The following PDCD1LG2 variants were observed in gnomAD, a reference collection of about 807,000 sequenced individuals.
The protein encoded by PDCD1LG2 is B7 dendritic cell molecule.
Under a neutral mutation model 28.2 loss-of-function variants are expected in PDCD1LG2, and 32 were observed. The observed-to-expected ratio is 1.13, with a 90% CI of 0.86 to 1.52. The LOEUF (loss-of-function observed/expected upper bound fraction) is 1.52. PDCD1LG2 is among the 40% of genes most tolerant of loss of function. The pLI is 0.00. For synonymous variants in PDCD1LG2, 116 were observed against 120.2 expected (o/e 0.97, Z 0.23); for missense variants, 385 against 323.8 (o/e 1.19, Z -1.45).
chr9:5,570,083 C>T lies in PDCD1LG2; in HGVS notation c.*124C>T. On this transcript the variant is annotated 3_prime_UTR_variant, in exon 7 of 7. Transcript: ENST00000397747. ...ACTTTTCAAATGCCTTTGGATGACC[C>T]AGCACTTTAATCTGAAACCTGCAAC... 8.1e-7 allele frequency: 1 copy of T among 1,239,838 alleles called. No homozygotes were observed. Among genetic ancestry groups the T allele is most frequent in the Non-Finnish European group, 1.2e-6 (1 of 850,310 alleles). The allele number at this position is 1,239,838 out of a possible 1,614,324, so 76.8% of individuals were successfully genotyped here.
intron 4 of PDCD1LG2, among the ~76,000 whole-genome samples, chr9:5,550,662 C>CATGA (rs1177066360): frequency 6.6e-6 from 1 of 151,658 alleles, no homozygotes; most frequent in African/African-American, 2.4e-5. Context: ...CCCTATCATT[C>CATGA]AGCCTTCTGC....
chr9:5,544,199 T>A (rs1202673900), intron 3 of PDCD1LG2, among the ~76,000 whole-genome samples: 1 of 152,124 alleles, frequency 6.6e-6, no homozygotes, highest in East Asian at 1.9e-4. Context: ...CTGAAACTAG[T>A]AATTCTTTTA....
intron 3 of PDCD1LG2, among the ~76,000 whole-genome samples, chr9:5,538,019 C>T (rs1586805288): frequency 6.6e-6 from 1 of 151,838 alleles, no homozygotes; most frequent in Non-Finnish European, 1.5e-5. Flanking sequence ...ATCTGTCAAA[C>T]AAAAATATGT....
At position 5,541,984 on chromosome 9, in the gene PDCD1LG2, C is replaced by G. The variant is rs542010026; in HGVS notation, c.361+6934C>G. Among the ~76,000 whole-genome samples the G allele has an allele frequency of 1.1e-4, 16 of 152,216 alleles. No individual in the cohort carries two copies. The East Asian group carries it at 3.1e-3, about 29-fold the overall frequency. On this transcript the variant is annotated intron_variant, in intron 3 of 6. Coordinates refer to ENST00000397747, the MANE Select transcript of PDCD1LG2 (RefSeq NM_025239.4). ...AGCATAATACTAGTATAAAAATAGGCACATAGACCAATGGAACAAAACGGA... is the reference window on the plus strand; with the variant it reads ...AGCATAATACTAGTATAAAAATAGGGACATAGACCAATGGAACAAAACGGA...
chr9:5,522,646 G>A (rs752145397), intron 2 of PDCD1LG2, 45 bp downstream of exon 2: 28 of 1,592,130 alleles, frequency 1.8e-5, no homozygotes, highest in Non-Finnish European at 2.4e-5. Flanking sequence ...AGAGCAGGTG[G>A]TGGTTCCTAG....
intron 3 of PDCD1LG2, among the ~76,000 whole-genome samples, chr9:5,544,572 A>G (rs531102643): frequency 3.5e-4 from 54 of 152,350 alleles, no homozygotes; most frequent in African/African-American, 1.2e-3. Flanking sequence ...AGAGCAGAGA[A>G]GAAAAAGTGA....
intron 2 of PDCD1LG2, among the ~76,000 whole-genome samples, chr9:5,522,997 G>A (rs538570298): frequency 4.5e-4 from 68 of 152,252 alleles, no homozygotes; most frequent in Non-Finnish European, 7.2e-4. Flanking sequence ...AGGGAACACC[G>A]TTACTCTAAA....
At chr9:5,559,801 T>C (rs1184450780) in intron 5 of PDCD1LG2, among the ~76,000 whole-genome samples, 1 of 152,222 alleles carries the variant, frequency 6.6e-6, no homozygotes. Context: ...TATTGCTCAC[T>C]GGATGAAGTT....
At chr9:5,528,125 C>G (rs1820413623) in intron 2 of PDCD1LG2, among the ~76,000 whole-genome samples, 1 of 150,834 alleles carries the variant, frequency 6.6e-6, no homozygotes, top group African/African-American at 2.4e-5. Flanking sequence ...CCACCACGCC[C>G]TGCTCTTTTC....
chr9:5,553,191 A>C lies in PDCD1LG2; in HGVS notation c.631+3587A>C, dbSNP rs80019115. Among the ~76,000 whole-genome samples the C allele has an allele frequency of 2.7e-3, 407 of 152,332 alleles. 2 individuals are homozygous for C. The highest frequency in any genetic ancestry group is 9.2e-3 in the African/African-American group (383 of 41,584). On this transcript the variant is annotated intron_variant, in intron 4 of 6. Transcript: ENST00000397747. Reference sequence around the variant, plus strand: ...AAGAAACTAGAAATCCATCAATTTTAGGACCAACTTCAGGTAAAAAAATGA... The same window carrying C: ...AAGAAACTAGAAATCCATCAATTTTCGGACCAACTTCAGGTAAAAAAATGA...
chr9:5,517,196 T>C (rs575791333), intron 1 of PDCD1LG2, among the ~76,000 whole-genome samples: 1 of 152,208 alleles, frequency 6.6e-6, no homozygotes, highest in Non-Finnish European at 1.5e-5. Context: ...GGGGTAGGGT[T>C]GGAGTGCTCT....
intron 2 of PDCD1LG2, among the ~76,000 whole-genome samples, chr9:5,528,695 G>A (rs773346404): frequency 4.6e-5 from 7 of 152,090 alleles, no homozygotes; most frequent in African/African-American, 1.4e-4. Flanking sequence ...GGAATTAAAC[G>A]ATTGTTTAAT....
intron 4 of PDCD1LG2, among the ~76,000 whole-genome samples, chr9:5,556,608 T>A (rs1189720764): frequency 6.6e-6 from 1 of 152,204 alleles, no homozygotes; most frequent in Non-Finnish European, 1.5e-5. Context: ...AATCCGTGGT[T>A]CTCAGATAGC....
rs2129976097 is a variant in PDCD1LG2 at position 5,570,011 on chromosome 9, C to T, written c.*52C>T. Reference sequence around the variant, plus strand: ...CCTGATATGACATCTAAAGAAGCTTCTGGACTCTGAACAAGAATTCGGTGG... The same window carrying T: ...CCTGATATGACATCTAAAGAAGCTTTTGGACTCTGAACAAGAATTCGGTGG... On this transcript the variant is annotated 3_prime_UTR_variant, in exon 7 of 7. Coordinates refer to ENST00000397747, the MANE Select transcript of PDCD1LG2 (RefSeq NM_025239.4). 6.2e-7 allele frequency: 1 copy of T among 1,613,034 alleles called. No individual in the cohort carries two copies. The highest frequency in any genetic ancestry group is 1.1e-5 in the South Asian group (1 of 91,052).
intron 1 of PDCD1LG2, among the ~76,000 whole-genome samples, chr9:5,514,697 G>A (rs1039822350): frequency 6.7e-6 from 1 of 148,884 alleles, no homozygotes; most frequent in Admixed American, 6.7e-5. Flanking sequence ...ATTCGAGGCT[G>A]CAGTGCTCTA....
At chr9:5,543,272 G>C (rs1445086148) in intron 3 of PDCD1LG2, among the ~76,000 whole-genome samples, 1 of 152,172 alleles carries the variant, frequency 6.6e-6, no homozygotes, top group Non-Finnish European at 1.5e-5. Flanking sequence ...AGGCGTGGTT[G>C]CTCACACCTG....
chr9:5,535,994 T>C (rs1238487235), intron 3 of PDCD1LG2, among the ~76,000 whole-genome samples: 1 of 152,224 alleles, frequency 6.6e-6, no homozygotes, highest in Non-Finnish European at 1.5e-5. Context: ...CTCTGGCCTC[T>C]TCCCCTCCCA....
chr9:5,528,387 G>A (rs754825781), intron 2 of PDCD1LG2, among the ~76,000 whole-genome samples: 6 of 150,648 alleles, frequency 4.0e-5, no homozygotes, highest in Non-Finnish European at 5.9e-5. Context: ...CTGCAGCCTC[G>A]ATCTCTCAGG....
At chr9:5,530,846 T>C (rs189617016) in intron 2 of PDCD1LG2, among the ~76,000 whole-genome samples, 1 of 152,336 alleles carries the variant, frequency 6.6e-6, no homozygotes, top group East Asian at 1.9e-4. Flanking sequence ...AACATTAATG[T>C]GCATGCAAAT....
Sources: allele counts gnomAD v4.1 joint callset (sites outside exome capture counted in the v4.1 genomes callset), GRCh38; gene constraint gnomAD v4.1.1; transcripts MANE v1.5; gene names NCBI Gene and HGNC (gene_info 2026-07-23, HGNC 2026-07-21).